Variants in CADPS2 observed in about 807,000 individuals in gnomAD.
CADPS2 encodes the protein calcium dependent secretion activator 2.
Under a neutral mutation model 172.5 loss-of-function variants are expected in CADPS2, and 93 were observed. The observed-to-expected ratio is 0.54, with a 90% CI of 0.46 to 0.64. CADPS2 has a LOEUF of 0.64. Among genes scored for constraint, CADPS2 ranks in the 30% least tolerant of loss-of-function variants. The pLI, the probability that CADPS2 is intolerant of heterozygous loss-of-function variation, is 0.00. For synonymous variants in CADPS2, 546 were observed against 555.2 expected, an observed-to-expected ratio of 0.98 and a Z score of 0.23; for missense variants, 1,420 against 1,565.9, an observed-to-expected ratio of 0.91 and a Z score of 1.57.
At chr7:122,625,161 C>T (rs987403389) in intron 4 of CADPS2, among the ~76,000 whole-genome samples, 6 of 152,048 alleles carry the variant, frequency 3.9e-5, no homozygotes, top group Non-Finnish European at 8.8e-5. Flanking sequence ...AGTGATTCTC[C>T]TGCCTTAGCC....
At chr7:122,704,440 A>G (rs1455550799) in intron 2 of CADPS2, among the ~76,000 whole-genome samples, 1 of 151,970 alleles carries the variant, frequency 6.6e-6, no homozygotes, top group African/African-American at 2.4e-5. Flanking sequence ...AGACGGTTTA[A>G]CATCATCATA....
At chr7:122,824,510 A>T (rs946002040) in intron 1 of CADPS2, among the ~76,000 whole-genome samples, 2 of 152,206 alleles carry the variant, frequency 1.3e-5, no homozygotes, top group Middle Eastern at 3.2e-3. Flanking sequence ...GTATATTTTC[A>T]TATGATAAAG....
At chr7:122,868,634 T>C (rs1011523631) in intron 1 of CADPS2, among the ~76,000 whole-genome samples, 4 of 152,180 alleles carry the variant, frequency 2.6e-5, no homozygotes, top group African/African-American at 9.7e-5. Context: ...GGTGGTTCTC[T>C]TATCTAATGC....
intron 3 of CADPS2, among the ~76,000 whole-genome samples, chr7:122,657,873 T>A (rs1241864119): frequency 1.3e-5 from 2 of 152,158 alleles, no homozygotes; most frequent in African/African-American, 4.8e-5. Context: ...AGAGAGGGCA[T>A]CCCTGTCTTG....
At chr7:122,500,041 G>A (rs118089846) in intron 9 of CADPS2, among the ~76,000 whole-genome samples, 627 of 152,244 alleles carry the variant, frequency 4.1e-3, no homozygotes, top group South Asian at 9.3e-3. Context: ...CTACCGCTGT[G>A]TAAAGTACTC....
chr7:122,404,339 C>G (rs1002218577), intron 20 of CADPS2, among the ~76,000 whole-genome samples: 1 of 152,180 alleles, frequency 6.6e-6, no homozygotes, highest in Non-Finnish European at 1.5e-5. Flanking sequence ...TTTTTTAAGG[C>G]TGCATAGTAT....
chr7:122,416,189 T>C (rs868461230), intron 17 of CADPS2, 25 bp from the exon 18 acceptor site: 2 of 1,387,786 alleles, frequency 1.4e-6, no homozygotes, highest in East Asian at 5.0e-5. Flanking sequence ...ATCATAATCA[T>C]GTTACCTTGA....
intron 1 of CADPS2, among the ~76,000 whole-genome samples, chr7:122,755,471 T>C (rs2093121454): frequency 6.6e-6 from 1 of 152,102 alleles, no homozygotes; most frequent in African/African-American, 2.4e-5. Flanking sequence ...TTGGGACCAA[T>C]GAAGCAAAGA....
In CADPS2 at chr7:122,837,605, C is replaced by T. The variant is rs576889752; in HGVS notation, c.339+48394G>A. 1.0e-3 allele frequency among the ~76,000 whole-genome samples: 157 copies of T among 152,174 alleles called. 2 individuals carry two copies. The highest frequency in any genetic ancestry group is 3.7e-3 in the African/African-American group (153 of 41,546). ...AAAATGATAAAGAGGATATCACCAC[C>T]GATCCCACAGAAATACAAACTACCA... On this transcript the variant is annotated intron_variant, in intron 1 of 29. Transcript: ENST00000449022.
chr7:122,610,121 A>G (rs962355243), intron 6 of CADPS2, among the ~76,000 whole-genome samples: 2 of 151,624 alleles, frequency 1.3e-5, no homozygotes, highest in Middle Eastern at 3.2e-3. Context: ...GCTATTTTAA[A>G]TCAGACAAAT....
chr7:122,520,784 T>C (rs1388965422), intron 8 of CADPS2, among the ~76,000 whole-genome samples: 1 of 152,126 alleles, frequency 6.6e-6, no homozygotes, highest in Non-Finnish European at 1.5e-5. Context: ...ATTAGAATGG[T>C]AGCACACAAT....
chr7:122,592,342 G>C (rs893121638), intron 6 of CADPS2, among the ~76,000 whole-genome samples: 13 of 152,094 alleles, frequency 8.5e-5, no homozygotes, highest in African/African-American at 3.1e-4. Flanking sequence ...GAAACAACAG[G>C]TGCTGGAGAG....
chr7:122,799,314 G>A (rs187536267), intron 1 of CADPS2, among the ~76,000 whole-genome samples: 1 of 152,268 alleles, frequency 6.6e-6, no homozygotes, highest in South Asian at 2.1e-4. Context: ...GTATAGCTAT[G>A]TAGGGCTGGG....
rs148106053 is a variant in CADPS2 at position 122,851,391 on chromosome 7, C to T, written c.339+34608G>A. Among the ~76,000 whole-genome samples the T allele has an allele frequency of 2.8e-3, 424 of 152,250 alleles. No individual in the cohort carries two copies. In the Middle Eastern group the frequency reaches 0.031, roughly 11 times the overall value. ...TCAGGAAAGTCCACAGAAACCATGG[C>T]CTCAGAGTGAAGGTGGACTCAGAGG... On this transcript the variant is annotated intron_variant, in intron 1 of 29. Transcript: ENST00000449022.
chr7:122,383,385 T>C (rs901390857), intron 24 of CADPS2, among the ~76,000 whole-genome samples: 1 of 152,018 alleles, frequency 6.6e-6, no homozygotes, highest in Non-Finnish European at 1.5e-5. Context: ...TTGAGTACTA[T>C]GCTCAATACC....
intron 1 of CADPS2, among the ~76,000 whole-genome samples, chr7:122,854,132 G>T (rs1054243401): frequency 6.6e-5 from 10 of 152,130 alleles, no homozygotes; most frequent in Admixed American, 2.0e-4. Flanking sequence ...GGCTGAGGCG[G>T]GTGGATAACT....
chr7:122,523,894 G>A (rs964752007), intron 8 of CADPS2, among the ~76,000 whole-genome samples: 2 of 152,090 alleles, frequency 1.3e-5, no homozygotes, highest in Non-Finnish European at 2.9e-5. Flanking sequence ...CCCCAACCAG[G>A]CAAACTTGCA....
At chr7:122,449,526 T>C (rs1046214390) in intron 15 of CADPS2, among the ~76,000 whole-genome samples, 1 of 152,106 alleles carries the variant, frequency 6.6e-6, no homozygotes, top group Non-Finnish European at 1.5e-5. Flanking sequence ...CTCGCTACGT[T>C]GCCTAGGCTG....
At chr7:122,520,313 T>C (rs1270832108) in intron 8 of CADPS2, among the ~76,000 whole-genome samples, 1 of 151,976 alleles carries the variant, frequency 6.6e-6, no homozygotes, top group Non-Finnish European at 1.5e-5. Context: ...AAAATGCTTG[T>C]CTTTACATAG....
Sources: gnomAD v4.1 joint callset for allele counts (sites outside exome capture counted in the v4.1 genomes callset) on GRCh38, gnomAD v4.1.1 for gene constraint, MANE v1.5 for transcripts, NCBI Gene and HGNC (gene_info 2026-07-23, HGNC 2026-07-21) for gene names.